Variants in DPP10 observed in about 807,000 individuals in gnomAD.
The protein encoded by DPP10 is inactive dipeptidyl peptidase 10.
Under a neutral mutation model 120.9 loss-of-function variants are expected in DPP10, and 33 were observed. The ratio of observed to expected loss-of-function variants is 0.27; its 90% CI spans 0.21 to 0.37. The LOEUF (loss-of-function observed/expected upper bound fraction) is 0.37, where lower values mean the gene tolerates loss of function less well. DPP10 is among the 10% of genes least tolerant of loss of function. The pLI is 1.00. For synonymous variants in DPP10, 337 were observed against 326.1 expected (o/e 1.03, Z -0.36); for missense variants, 816 against 942.8 (o/e 0.87, Z 1.76).
chr2:115,165,390 A>C (rs1024867321), intron 1 of DPP10, among the ~76,000 whole-genome samples: 4 of 152,202 alleles, frequency 2.6e-5, no homozygotes, highest in African/African-American at 9.6e-5. Context: ...ACATATTTCT[A>C]TTGTAAGAAT....
At chr2:115,385,724 G>C (rs1180023395) in intron 3 of DPP10, among the ~76,000 whole-genome samples, 2 of 152,094 alleles carry the variant, frequency 1.3e-5, no homozygotes, top group Non-Finnish European at 2.9e-5. Flanking sequence ...AATTTTTCCT[G>C]AGTCTTTGAG....
At chr2:115,444,192 T>C (rs2072351074) in intron 3 of DPP10, among the ~76,000 whole-genome samples, 1 of 152,186 alleles carries the variant, frequency 6.6e-6, no homozygotes, top group African/African-American at 2.4e-5. Context: ...CAAGTTCTGG[T>C]CATTTTAGTC....
intron 1 of DPP10, among the ~76,000 whole-genome samples, chr2:114,632,619 T>A (rs1695018645): frequency 6.7e-6 from 1 of 149,482 alleles, no homozygotes; most frequent in South Asian, 2.2e-4. Flanking sequence ...TTCATGCCAT[T>A]CTCCTGCCTC....
At chr2:115,002,130 A>G (rs1181658453) in intron 1 of DPP10, among the ~76,000 whole-genome samples, 1 of 152,210 alleles carries the variant, frequency 6.6e-6, no homozygotes, top group Non-Finnish European at 1.5e-5. Flanking sequence ...ACTTCAAACT[A>G]TACTACAATG....
chr2:114,814,559 GCA>G (rs1685461818), intron 1 of DPP10, among the ~76,000 whole-genome samples: 1 of 151,938 alleles, frequency 6.6e-6, no homozygotes, highest in Non-Finnish European at 1.5e-5. Context: ...TCAGCATATT[GCA>G]CTGGCACGTT....
At chr2:115,360,105 T>G (rs1331696086) in intron 3 of DPP10, among the ~76,000 whole-genome samples, 1 of 152,214 alleles carries the variant, frequency 6.6e-6, no homozygotes, top group Non-Finnish European at 1.5e-5. Flanking sequence ...GTCTGTCATT[T>G]CAGCCATTTC....
At chr2:114,937,632 T>G (rs184863756) in intron 1 of DPP10, among the ~76,000 whole-genome samples, 62 of 152,310 alleles carry the variant, frequency 4.1e-4, no homozygotes, top group African/African-American at 1.3e-3. Context: ...TCTTTAGCTT[T>G]AATTGGAGTT....
chr2:115,054,742 C>A (rs1276842868), intron 1 of DPP10, among the ~76,000 whole-genome samples: 1 of 152,068 alleles, frequency 6.6e-6, no homozygotes, highest in African/African-American at 2.4e-5. Context: ...GAAACCCAGT[C>A]TCTACTAAAA....
intron 1 of DPP10, among the ~76,000 whole-genome samples, chr2:114,562,294 C>G (rs981511356): frequency 6.6e-6 from 1 of 152,194 alleles, no homozygotes; most frequent in African/African-American, 2.4e-5. Flanking sequence ...TTGAATGTCT[C>G]TCTTCATTTC....
At chr2:115,266,197 T>C (rs1651572846) in intron 1 of DPP10, among the ~76,000 whole-genome samples, 1 of 152,146 alleles carries the variant, frequency 6.6e-6, no homozygotes, top group South Asian at 2.1e-4. Context: ...GAGATAAACA[T>C]GAAACGAAGG....
At chr2:114,450,334 G>A (rs578122102) in intron 1 of DPP10, among the ~76,000 whole-genome samples, 2 of 152,084 alleles carry the variant, frequency 1.3e-5, no homozygotes, top group East Asian at 3.9e-4. Flanking sequence ...TTCTCATATA[G>A]TCTTCTGTAC....
intron 1 of DPP10, among the ~76,000 whole-genome samples, chr2:114,968,377 A>G (rs141080715): frequency 0.02 from 3,119 of 152,292 alleles, 54 homozygotes; most frequent in Middle Eastern, 0.058. Context: ...TTCAATTTTA[A>G]TAGGCATATC....
chr2:115,655,851 G>A (rs1332911095), intron 5 of DPP10, among the ~76,000 whole-genome samples: 4 of 151,644 alleles, frequency 2.6e-5, no homozygotes, highest in African/African-American at 9.7e-5. Context: ...TTAGGGGAAG[G>A]CTGAGGAGGA....
intron 1 of DPP10, among the ~76,000 whole-genome samples, chr2:115,187,956 G>T (rs1277924168): frequency 6.6e-6 from 1 of 152,024 alleles, no homozygotes; most frequent in Non-Finnish European, 1.5e-5. Context: ...AGAGGTCAAG[G>T]CTGCAGTGAG....
At chr2:115,096,070 C>T (rs900130471) in intron 1 of DPP10, among the ~76,000 whole-genome samples, 2 of 152,028 alleles carry the variant, frequency 1.3e-5, no homozygotes, top group Admixed American at 1.3e-4. Flanking sequence ...TAAAATTACT[C>T]TCCAAACTAC....
At chr2:114,812,644 T>A (rs1220152686) in intron 1 of DPP10, among the ~76,000 whole-genome samples, 1 of 148,016 alleles carries the variant, frequency 6.8e-6, no homozygotes, top group African/African-American at 2.5e-5. Flanking sequence ...AAACGAGCAG[T>A]ATCAATGTCT....
chr2:115,389,278 A>AACAC (rs3980953), intron 3 of DPP10, among the ~76,000 whole-genome samples: 37,221 of 149,580 alleles, frequency 0.25, 5,287 homozygotes, highest in African/African-American at 0.37. Context: ...CACACACACA[A>AACAC]ACACACACAC....
chr2:115,043,474 A>G (rs1366157836), intron 1 of DPP10, among the ~76,000 whole-genome samples: 2 of 152,218 alleles, frequency 1.3e-5, no homozygotes, highest in African/African-American at 2.4e-5. Context: ...CGCATTTAAA[A>G]AGTCTTCTTC....
chr2:115,689,776 G>T (rs970637456), intron 6 of DPP10, 37 bp downstream of exon 6: 7 of 1,607,000 alleles, frequency 4.4e-6, no homozygotes, highest in Non-Finnish European at 6.0e-6. Context: ...ATGAGCAATT[G>T]TGTTACTAAA....
Sources: gnomAD v4.1 joint callset for allele counts (sites outside exome capture counted in the v4.1 genomes callset) on GRCh38, gnomAD v4.1.1 for gene constraint, MANE v1.5 for transcripts, NCBI Gene and HGNC (gene_info 2026-07-23, HGNC 2026-07-21) for gene names.